BICD1: variants seen among roughly 807,000 people sequenced by gnomAD.
BICD1 encodes the protein BICD cargo adaptor 1.
Under a neutral mutation model 92.5 loss-of-function variants are expected in BICD1, and 35 were observed. The ratio of observed to expected loss-of-function variants is 0.38; its 90% CI spans 0.29 to 0.50. The LOEUF is 0.50. Among genes scored for constraint, BICD1 ranks in the 20% least tolerant of loss-of-function variants. The pLI, the probability that BICD1 is intolerant of heterozygous loss-of-function variation, is 0.93. For missense variants in BICD1, 950 were observed against 1,189.8 expected, an observed-to-expected ratio of 0.80 and a Z score of 2.97; for synonymous variants, 429 against 465.1, an observed-to-expected ratio of 0.92 and a Z score of 1.00.
At chr12:32,269,286 T>C (rs905187775) in intron 2 of BICD1, among the ~76,000 whole-genome samples, 15 of 152,190 alleles carry the variant, frequency 9.9e-5, no homozygotes, top group Non-Finnish European at 2.1e-4. Flanking sequence ...GAACTTAAAA[T>C]AAATGTTTCA....
At chr12:32,265,606 A>G (rs1946972440) in intron 2 of BICD1, among the ~76,000 whole-genome samples, 1 of 151,396 alleles carries the variant, frequency 6.6e-6, no homozygotes, top group Non-Finnish European at 1.5e-5. Flanking sequence ...AGTCTCAGCT[A>G]CTTGGGAAGC....
At chr12:32,142,007 C>A (rs1227530709) in intron 1 of BICD1, among the ~76,000 whole-genome samples, 1 of 152,078 alleles carries the variant, frequency 6.6e-6, no homozygotes, top group South Asian at 2.1e-4. Flanking sequence ...CAATGTTTTA[C>A]ATTTTGCTGA....
Position 32,379,167 on chromosome 12 carries a change from T to TA in BICD1, c.*1541dup, listed in dbSNP as rs1256317881. 1 of 152,218 alleles carries TA rather than the reference T, an allele frequency of 6.6e-6. No individual in the cohort carries two copies. Among genetic ancestry groups the TA allele is most frequent in the Non-Finnish European group, 1.5e-5 (1 of 68,048 alleles). 9.4% of individuals were successfully genotyped at this position (152,218 alleles called of 1,614,324 possible). A position where few individuals can be genotyped will look rare whatever the true frequency, so the allele number is the denominator to read the frequency against. On this transcript the variant is annotated 3_prime_UTR_variant, in exon 10 of 10. Transcript: ENST00000652176. ...CCTCACTGTTAACACAAAGGACAGT[T>TA]ACCAGTGTAGGGCACTGAGAAAGGA...
intron 2 of BICD1, among the ~76,000 whole-genome samples, chr12:32,256,986 G>A (rs1239193078): frequency 4.6e-5 from 7 of 152,058 alleles, no homozygotes; most frequent in East Asian, 1.9e-4. Context: ...AGGCCAAGGC[G>A]GGCGGATCAC....
intron 1 of BICD1, among the ~76,000 whole-genome samples, chr12:32,154,094 T>C (rs1943367206): frequency 6.6e-6 from 1 of 152,100 alleles, no homozygotes; most frequent in Non-Finnish European, 1.5e-5. Context: ...TAACAAGTTA[T>C]TGCTGTGCAG....
intron 1 of BICD1, among the ~76,000 whole-genome samples, chr12:32,208,736 T>C (rs1945130914): frequency 6.6e-6 from 1 of 152,234 alleles, no homozygotes; most frequent in Non-Finnish European, 1.5e-5. Flanking sequence ...TGAGAGACAC[T>C]TCTCAGTCAG....
intron 1 of BICD1, among the ~76,000 whole-genome samples, chr12:32,180,431 A>T (rs1944237903): frequency 6.6e-6 from 1 of 151,976 alleles, no homozygotes. Context: ...TTCTGGGATT[A>T]GGCCTATTTT....
chr12:32,214,838 G>A (rs561686145), intron 1 of BICD1, among the ~76,000 whole-genome samples: 3 of 152,008 alleles, frequency 2.0e-5, no homozygotes, highest in Non-Finnish European at 2.9e-5. Context: ...GTTACTGTTC[G>A]TGTTCCATTT....
chr12:32,374,136 C>T (rs1435466424), intron 9 of BICD1, among the ~76,000 whole-genome samples: 3 of 151,498 alleles, frequency 2.0e-5, no homozygotes, highest in Admixed American at 6.6e-5. Context: ...ATTGCTTGAA[C>T]CTGGGAGGCA....
chr12:32,174,562 C>T (rs1375150290), intron 1 of BICD1, among the ~76,000 whole-genome samples: 1 of 152,084 alleles, frequency 6.6e-6, no homozygotes, highest in Non-Finnish European at 1.5e-5. Context: ...TCTAGTTAAA[C>T]ATCCATTGTG....
chr12:32,247,987 G>A (rs983659026), intron 2 of BICD1, among the ~76,000 whole-genome samples: 2 of 151,706 alleles, frequency 1.3e-5, no homozygotes, highest in Non-Finnish European at 2.9e-5. Context: ...GGAGGCTGAG[G>A]CAGGAGAATT....
At chr12:32,342,198 GTGTGTGTATA>G (rs1592699226) in intron 8 of BICD1, among the ~76,000 whole-genome samples, 1 of 103,810 alleles carries the variant, frequency 9.6e-6, no homozygotes, top group Admixed American at 1.1e-4. Context: ...ATATATGTGT[GTGTGTGTATA>G]TATATATATA....
rs2270786 is a variant in BICD1 at position 32,337,830 on chromosome 12, G to A, written c.2570+14G>A. 320,184 of 1,612,574 alleles carry A rather than the reference G, an allele frequency of 0.2. 34,543 individuals are homozygous for A. The highest frequency in any genetic ancestry group is 0.34 in the East Asian group (15,288 of 44,854). ...TCAGAGGAAAAGGTATGCATGCAGC[G>A]ATCTTCATAGTACGGTGCAGTGGCC... On this transcript the variant is annotated intron_variant, in intron 7 of 9. Coordinates refer to ENST00000652176, the MANE Select transcript of BICD1 (RefSeq NM_001714.4). This position sits in a 1 kb window ranked among gnomAD's most constrained non-coding sequence, Gnocchi z 4.7.
intron 4 of BICD1, among the ~76,000 whole-genome samples, chr12:32,322,530 C>G (rs1036165212): frequency 6.6e-6 from 1 of 152,150 alleles, no homozygotes; most frequent in Non-Finnish European, 1.5e-5. Context: ...AGAGCTCAGG[C>G]GGTAATGTTT....
At chr12:32,208,438 A>G (rs1247950934) in intron 1 of BICD1, among the ~76,000 whole-genome samples, 2 of 152,218 alleles carry the variant, frequency 1.3e-5, no homozygotes, top group Non-Finnish European at 2.9e-5. Context: ...ACAGAATGTT[A>G]TGTAATTTGC....
intron 1 of BICD1, among the ~76,000 whole-genome samples, chr12:32,210,448 A>C (rs1017902194): frequency 1.3e-5 from 2 of 152,124 alleles, no homozygotes; most frequent in African/African-American, 2.4e-5. Flanking sequence ...ATGGGTACGA[A>C]ATTTCTGTTT....
At chr12:32,318,805 G>T (rs1387045207) in intron 4 of BICD1, among the ~76,000 whole-genome samples, 1 of 152,198 alleles carries the variant, frequency 6.6e-6, no homozygotes, top group African/African-American at 2.4e-5. Flanking sequence ...AGTGAGCTGA[G>T]ATCGTGCCAT....
intron 1 of BICD1, among the ~76,000 whole-genome samples, chr12:32,134,652 G>C (rs905013522): frequency 3.9e-5 from 6 of 152,208 alleles, no homozygotes; most frequent in Non-Finnish European, 7.3e-5. Flanking sequence ...CCGCGACTCT[G>C]TCATTGTGTG....
intron 1 of BICD1, among the ~76,000 whole-genome samples, chr12:32,132,189 G>A (rs1462453114): frequency 1.3e-5 from 2 of 152,070 alleles, no homozygotes; most frequent in African/African-American, 4.8e-5. Flanking sequence ...AGGCCAAGGT[G>A]GGCAGATCAT....
Sources: allele counts gnomAD v4.1 joint callset (sites outside exome capture counted in the v4.1 genomes callset), GRCh38; gene constraint gnomAD v4.1.1; non-coding constraint Gnocchi (gnomAD v3.1); transcripts MANE v1.5; gene names NCBI Gene and HGNC (gene_info 2026-07-23, HGNC 2026-07-21).